The following ZNF544 variants were observed in gnomAD, a reference collection of about 807,000 sequenced individuals.
ZNF544 encodes zinc finger protein 544.
In ZNF544, 10 loss-of-function variants were observed where a neutral mutation model predicts 13.5. The observed-to-expected ratio is 0.74, with a 90% CI of 0.46 to 1.25. The LOEUF (loss-of-function observed/expected upper bound fraction) is 1.25. Among genes scored for constraint, ZNF544 ranks in the 50% most tolerant of loss-of-function variants. The pLI is 0.00. For synonymous variants in ZNF544, 323 were observed against 300.5 expected (o/e 1.07, Z -0.77); for missense variants, 896 against 845.6 (o/e 1.06, Z -0.74).
downstream of ZNF544, among the ~76,000 whole-genome samples, chr19:58,268,889 T>TA (rs1335220879): frequency 1.3e-5 from 2 of 152,208 alleles, no homozygotes; most frequent in Admixed American, 1.3e-4. Flanking sequence ...AACAAAGACT[T>TA]ACTAGCACAA....
intron 6 of ZNF544, among the ~76,000 whole-genome samples, chr19:58,249,604 CTGT>C (rs2045963274): frequency 6.6e-6 from 1 of 152,182 alleles, no homozygotes; most frequent in Admixed American, 6.5e-5. Flanking sequence ...ACTCAGATAG[CTGT>C]TGTTGTATTT....
chr19:58,262,526 C>G lies in ZNF544; in HGVS notation c.1920C>G (p.Ala640=), dbSNP rs753178441. 6.2e-7 allele frequency: 1 copy of G among 1,614,150 alleles called. No homozygotes were observed. Among genetic ancestry groups the G allele is most frequent in the South Asian group, 1.1e-5 (1 of 91,086 alleles). Residue 640 remains alanine (A), a synonymous_variant, in exon 7 of 7, where the codon GCC becomes GCG. Coordinates refer to ENST00000687789, the MANE Select transcript of ZNF544 (RefSeq NM_014480.4). ...KPYKCNQCNK[A]FARSSYLVMH... ...ACAAATGCAATCAGTGCAATAAAGC[C>G]TTTGCAAGGAGCTCCTACCTTGTGA... is the stretch of plus-strand genomic sequence containing the variant.
rs2048881585 is a variant in ZNF544, at chr19:58,261,278, G to T, written c.672G>T (p.Gln224His). Residue 224 changes from glutamine (Q) to histidine (H), a missense_variant, in exon 7 of 7, where the codon CAG (glutamine) becomes CAT (histidine). Gln to His is a conservative substitution (Grantham distance 24, BLOSUM62 0). Transcript: ENST00000687789. ...ATCAGTGTGCTAGAGCTTTCTGTCA[G>T]AGTATTTACTTGAGTAAACTTGGAA... is the stretch of plus-strand genomic sequence containing the variant. Reference protein sequence around the residue: ...ESHQCARAFCQSIYLSKLGNV... With the variant: ...ESHQCARAFCHSIYLSKLGNV... 1.2e-6 allele frequency: 2 copies of T among 1,614,054 alleles called. No homozygotes were observed. The highest frequency in any genetic ancestry group is 2.7e-5 in the African/African-American group (2 of 74,926).
downstream of ZNF544, among the ~76,000 whole-genome samples, chr19:58,265,359 G>T (rs2049730568): frequency 6.7e-6 from 1 of 150,238 alleles, no homozygotes; most frequent in African/African-American, 2.5e-5. Context: ...GCAGTGGTAT[G>T]ATCTCTGCTC....
chr19:58,254,642 A>G (rs1568485919), intron 6 of ZNF544, among the ~76,000 whole-genome samples: 1 of 152,124 alleles, frequency 6.6e-6, no homozygotes, highest in African/African-American at 2.4e-5. Flanking sequence ...TTTTCCCTCC[A>G]GTGGCGATGG....
At chr19:58,260,769 A>G in intron 6 of ZNF544, 82 bp from the exon 7 acceptor site, 2 of 1,281,180 alleles carry the variant, frequency 1.6e-6, no homozygotes, top group East Asian at 5.0e-5. Context: ...CACTTCCATT[A>G]AACAGTTGTC....
In ZNF544 at chr19:58,246,333, A is replaced by C; in HGVS notation, c.66A>C (p.Ala22=). ...TGTGCTTCGAGGATGTGGCTATGGCATTCACACAGGAGGAGTGGGAACAGC... is the reference window on the plus strand; with the variant it reads ...TGTGCTTCGAGGATGTGGCTATGGCCTTCACACAGGAGGAGTGGGAACAGC... ...ASVCFEDVAM[A]FTQEEWEQLD... The change falls in exon 5 of 7, where the codon GCA becomes GCC. Residue 22 remains alanine, a synonymous_variant. Transcript: ENST00000687789. 6.2e-7 allele frequency: 1 copy of C among 1,614,118 alleles called. No individual in the cohort carries two copies. The highest frequency in any genetic ancestry group is 8.5e-7 in the Non-Finnish European group (1 of 1,180,020).
At chr19:58,246,864 C>T in intron 6 of ZNF544, 70 bp downstream of exon 6, 1 of 1,493,664 alleles carries the variant, frequency 6.7e-7, no homozygotes, top group Non-Finnish European at 9.2e-7. Context: ...CCGCAGGGCC[C>T]CAGGGGCCAA....
At chr19:58,233,948 G>A (rs1471861621) in intron 3 of ZNF544, among the ~76,000 whole-genome samples, 1 of 152,202 alleles carries the variant, frequency 6.6e-6, no homozygotes. Flanking sequence ...AATCTAGAAA[G>A]AGATGTCATT....
At chr19:58,277,097 C>T in intron 6 of ZNF544, 1 of 1,012,116 alleles carries the variant, frequency 9.9e-7, no homozygotes, top group Non-Finnish European at 1.3e-6. Flanking sequence ...TTGGTCTGGT[C>T]TCATGAGGCC....
intron 6 of ZNF544, among the ~76,000 whole-genome samples, chr19:58,256,371 G>T (rs1182039436): frequency 6.6e-6 from 1 of 152,014 alleles, no homozygotes; most frequent in East Asian, 1.9e-4. Flanking sequence ...AATTAAGCCG[G>T]CGGCCAAAGA....
rs778824957 is a variant in ZNF544, at chr19:58,245,065, G to C, written c.33+1009G>C. The stretch of plus-strand genomic sequence containing the variant: ...TGGTTTCAAGCAATTCTCCTGCCTC[G>C]GCCTCCCAAGTAGCTGGGATTACAG... On this transcript the variant is annotated intron_variant, in intron 4 of 6. Transcript: ENST00000687789. Among the ~76,000 whole-genome samples, 70 of 150,466 alleles carry C rather than the reference G, an allele frequency of 4.7e-4. 1 individual carries two copies. Among genetic ancestry groups the C allele is most frequent in the Non-Finnish European group, 7.4e-5 (5 of 67,680 alleles).
At chr19:58,252,568 A>C (rs1021887929) in intron 6 of ZNF544, among the ~76,000 whole-genome samples, 3 of 151,816 alleles carry the variant, frequency 2.0e-5, no homozygotes, top group Non-Finnish European at 4.4e-5. Context: ...AACAACCTGA[A>C]TCAACCTTTA....
intron 3 of ZNF544, among the ~76,000 whole-genome samples, chr19:58,242,785 G>A (rs1238074054): frequency 6.6e-6 from 1 of 151,980 alleles, no homozygotes; most frequent in African/African-American, 2.4e-5. Context: ...AAAACTTCCC[G>A]CCCCCCGGGT....
downstream of ZNF544, among the ~76,000 whole-genome samples, chr19:58,268,503 T>C (rs1449031664): frequency 1.3e-5 from 2 of 152,194 alleles, no homozygotes; most frequent in Non-Finnish European, 2.9e-5. Context: ...AGGCCGTTTT[T>C]ACTTTCTGCA....
At chr19:58,238,421 G>T (rs1002098282) in intron 3 of ZNF544, among the ~76,000 whole-genome samples, 1 of 152,152 alleles carries the variant, frequency 6.6e-6, no homozygotes, top group African/African-American at 2.4e-5. Flanking sequence ...GTGGTAACCC[G>T]CACAAGAAAC....
chr19:58,275,931 C>G (rs1292514254), intron 5 of ZNF544, among the ~76,000 whole-genome samples: 1 of 151,980 alleles, frequency 6.6e-6, no homozygotes, highest in African/African-American at 2.4e-5. Context: ...TTCCTGTAAT[C>G]CCAGCACTTT....
At chr19:58,251,514 CTA>C (rs2046302138) in intron 6 of ZNF544, 17 of 386,304 alleles carry the variant, frequency 4.4e-5, no homozygotes, top group South Asian at 2.9e-4. Flanking sequence ...ATCCCTCCTT[CTA>C]TGTTTTAACA....
chr19:58,246,467 G>C (rs892588199), intron 5 of ZNF544, 40 bp downstream of exon 5: 1 of 1,610,354 alleles, frequency 6.2e-7, no homozygotes, highest in African/African-American at 1.3e-5. Context: ...CTACCCCTAG[G>C]ACTCAAAGCT....
Sources: allele counts gnomAD v4.1 joint callset (sites outside exome capture counted in the v4.1 genomes callset), GRCh38; gene constraint gnomAD v4.1.1; transcripts MANE v1.5; gene names NCBI Gene and HGNC (gene_info 2026-07-23, HGNC 2026-07-21).